Variants in ADARB1 observed in about 807,000 individuals in gnomAD.
The protein encoded by ADARB1 is adenosine deaminase RNA specific B1, also known as double-stranded RNA-specific editase 1.
A neutral mutation model predicts 52.4 loss-of-function variants in ADARB1; 10 were observed. The observed-to-expected ratio is 0.19, with a 90% CI of 0.12 to 0.32. The LOEUF (loss-of-function observed/expected upper bound fraction) is 0.32. Ranked by LOEUF, ADARB1 falls within the 10% of genes least tolerant of loss-of-function variation. The pLI is 1.00. For synonymous variants in ADARB1, 349 were observed against 371.1 expected (o/e 0.94, Z 0.68); for missense variants, 643 against 922.3 (o/e 0.70, Z 3.92).
intron 1 of ADARB1, chr21:45,120,959 G>A (rs1247032629): frequency 6.6e-6 from 1 of 152,090 alleles, no homozygotes. Context: ...GTGTATTCTT[G>A]GTATGTGTGT....
chr21:45,076,123 A>G (rs897240430), intron 1 of ADARB1, among the ~76,000 whole-genome samples: 4 of 152,226 alleles, frequency 2.6e-5, no homozygotes, highest in African/African-American at 2.4e-5. Context: ...TTTGATGACC[A>G]TCTTTTCCTT....
At position 45,222,460 on chromosome 21, in the gene ADARB1, C is replaced by T. The variant is rs568817284; in HGVS notation, c.*263C>T. Reference sequence around the variant, plus strand: ...CGCAGCATTTCCCCTTCTGAACCGTCCAGTGACTGCTTTCAATCTCGGTTT... The same window carrying T: ...CGCAGCATTTCCCCTTCTGAACCGTTCAGTGACTGCTTTCAATCTCGGTTT... On this transcript the variant is annotated 3_prime_UTR_variant, in exon 11 of 11. Transcript: ENST00000348831. 8.6e-5 allele frequency: 106 copies of T among 1,232,576 alleles called. 1 individual carries two copies. The South Asian group carries it at 3.6e-3, about 42-fold the overall frequency. 76.4% of individuals were successfully genotyped at this position (1,232,576 alleles called of 1,614,324 possible).
Position 45,223,158 on chromosome 21 carries a change from C to G in ADARB1, c.*961C>G. The G allele has an allele frequency of 1.0e-6, 1 of 985,460 alleles. No homozygotes were observed. Among genetic ancestry groups the G allele is most frequent in the Non-Finnish European group, 1.2e-6 (1 of 829,960 alleles). 61.0% of individuals were successfully genotyped at this position (985,460 alleles called of 1,614,324 possible). A position where few individuals can be genotyped will look rare whatever the true frequency, so the allele number is the denominator to read the frequency against. ...AATCGAATGGATGTGGGTGACCGCC[C>G]GAAGGCCTTCACAGGATGGAAGTAG... On this transcript the variant is annotated 3_prime_UTR_variant, in exon 11 of 11. Transcript: ENST00000348831.
At chr21:45,184,266 AC>A (rs2146215683) in intron 7 of ADARB1, among the ~76,000 whole-genome samples, 1 of 152,280 alleles carries the variant, frequency 6.6e-6, no homozygotes, top group South Asian at 2.1e-4. Context: ...CATGGCAAAC[AC>A]CCAAGTATCC....
rs2092981689 is a variant in ADARB1 at position 45,222,372 on chromosome 21, G to A, written c.*175G>A. On this transcript the variant is annotated 3_prime_UTR_variant, in exon 11 of 11. Coordinates refer to ENST00000348831, the MANE Select transcript of ADARB1 (RefSeq NM_001112.4). The stretch of plus-strand genomic sequence containing the variant: ...ATCTCACATCAGACCTGGGGCAGGT[G>A]CGCAGTGTGGGGAGGGGATGGGGTG... 7.3e-7 allele frequency: 1 copy of A among 1,362,810 alleles called. No individual in the cohort carries two copies. The highest frequency in any genetic ancestry group is 1.9e-5 in the South Asian group (1 of 51,538). The allele number at this position is 1,362,810 out of a possible 1,614,324, so 84.4% of individuals were successfully genotyped here.
chr21:45,100,201 T>C (rs1040788720), intron 1 of ADARB1, among the ~76,000 whole-genome samples: 35 of 152,246 alleles, frequency 2.3e-4, no homozygotes, highest in African/African-American at 8.2e-4. Context: ...AGATTATGTA[T>C]GTCTGCTCTT....
At chr21:45,101,928 C>T (rs1369697542) in intron 1 of ADARB1, among the ~76,000 whole-genome samples, 1 of 152,224 alleles carries the variant, frequency 6.6e-6, no homozygotes, top group African/African-American at 2.4e-5. Context: ...CACTCTGTTA[C>T]TCAGGCTGGA....
At chr21:45,122,657 ATC>A (rs2088270874) in intron 1 of ADARB1, among the ~76,000 whole-genome samples, 1 of 152,106 alleles carries the variant, frequency 6.6e-6, no homozygotes, top group African/African-American at 2.4e-5. Flanking sequence ...AGAGCTGCCT[ATC>A]CCACAGTACT....
At chr21:45,094,305 T>C (rs2086670831) in intron 1 of ADARB1, among the ~76,000 whole-genome samples, 1 of 152,232 alleles carries the variant, frequency 6.6e-6, no homozygotes, top group Non-Finnish European at 1.5e-5. Context: ...TCCGTGTCTT[T>C]ATCAAGCAGT....
intron 2 of ADARB1, among the ~76,000 whole-genome samples, chr21:45,162,309 A>G (rs370935358): frequency 1.0e-3 from 153 of 152,274 alleles, no homozygotes; most frequent in African/African-American, 3.6e-3. Flanking sequence ...GCAGGGAGCC[A>G]GTGTCCATGC....
Position 45,223,563 on chromosome 21 carries a change from C to T in ADARB1, c.*1366C>T. On this transcript the variant is annotated 3_prime_UTR_variant, in exon 11 of 11. Transcript: ENST00000348831. ...CAGTGCAGTGCCCAGCTCCAAGGCTCTAGAGGGTGTTCAGGTGGGTCTCCT... is the reference window on the plus strand; with the variant it reads ...CAGTGCAGTGCCCAGCTCCAAGGCTTTAGAGGGTGTTCAGGTGGGTCTCCT... The T allele has an allele frequency of 1.0e-6, 1 of 985,754 alleles. No homozygotes were observed. 61.1% of individuals were successfully genotyped at this position (985,754 alleles called of 1,614,324 possible). A position where few individuals can be genotyped will look rare whatever the true frequency, so the allele number is the denominator to read the frequency against.
intron 2 of ADARB1, among the ~76,000 whole-genome samples, chr21:45,153,429 C>G (rs2090402255): frequency 6.6e-6 from 1 of 151,996 alleles, no homozygotes. Flanking sequence ...CAGCTGAACA[C>G]AGGCGTGATC....
At position 45,172,324 on chromosome 21, in the gene ADARB1, C is replaced by T. The variant is rs1036704376; in HGVS notation, c.28+640C>T. On this transcript the variant is annotated intron_variant, in intron 3 of 10. Coordinates refer to ENST00000348831, the MANE Select transcript of ADARB1 (RefSeq NM_001112.4). The surrounding 1 kb of genome is among the most constrained non-coding windows in gnomAD (Gnocchi z 4.4). ...CAGAAAACAGGTTTAGATGCTTCCA[C>T]GGAAGTTGGGAGAGTTTAGTAGAGA... is the stretch of plus-strand genomic sequence containing the variant. Among the ~76,000 whole-genome samples, 3 of 152,054 alleles carry T rather than the reference C, an allele frequency of 2.0e-5. No homozygotes were observed. The highest frequency in any genetic ancestry group is 4.4e-5 in the Non-Finnish European group (3 of 68,014).
chr21:45,106,671 A>G (rs145770821), intron 1 of ADARB1, among the ~76,000 whole-genome samples: 1 of 152,354 alleles, frequency 6.6e-6, no homozygotes, highest in Non-Finnish European at 1.5e-5. Flanking sequence ...AGTGGGAGGT[A>G]CACAAATTTA....
intron 3 of ADARB1, 115 bp from the exon 4 acceptor site, chr21:45,175,615 T>G: frequency 9.4e-7 from 1 of 1,065,176 alleles, no homozygotes; most frequent in Non-Finnish European, 1.4e-6. Flanking sequence ...GGAATAAAAT[T>G]TATAAGCACA....
intron 4 of ADARB1, 58 bp from the exon 5 acceptor site, chr21:45,180,272 G>A (rs966158665): frequency 6.3e-6 from 8 of 1,272,170 alleles, no homozygotes; most frequent in African/African-American, 1.5e-5. Flanking sequence ...CATTGAGAGA[G>A]TGAGCCCTGC....
At chr21:45,216,641 A>G (rs2092867954) in intron 9 of ADARB1, among the ~76,000 whole-genome samples, 1 of 152,090 alleles carries the variant, frequency 6.6e-6, no homozygotes, top group Non-Finnish European at 1.5e-5. Context: ...ATCTATCTTT[A>G]TAAGTGTTCC....
chr21:45,200,684 C>T lies in ADARB1; in HGVS notation c.1566-3871C>T, dbSNP rs2092534906. On this transcript the variant is annotated intron_variant, in intron 8 of 10. Coordinates refer to ENST00000348831, the MANE Select transcript of ADARB1 (RefSeq NM_001112.4). This position sits in a 1 kb window ranked among gnomAD's most constrained non-coding sequence, Gnocchi z 5.0. ...CTCCCGTGCAGCTGCTTGAAGAACCCAGGGGCATCTCTGGCTGGTCCTGGG... is the reference window on the plus strand; with the variant it reads ...CTCCCGTGCAGCTGCTTGAAGAACCTAGGGGCATCTCTGGCTGGTCCTGGG... Among the ~76,000 whole-genome samples, 1 of 152,126 alleles carries T rather than the reference C, an allele frequency of 6.6e-6. No homozygotes were observed. The highest frequency in any genetic ancestry group is 6.5e-5 in the Admixed American group (1 of 15,282).
In ADARB1 at chr21:45,220,351, C is replaced by T. The variant is rs1037980261; in HGVS notation, c.1748-485C>T. 5.3e-5 allele frequency among the ~76,000 whole-genome samples: 8 copies of T among 152,176 alleles called. No homozygotes were observed. Among genetic ancestry groups the T allele is most frequent in the Non-Finnish European group, 4.4e-5 (3 of 68,028 alleles). On this transcript the variant is annotated intron_variant, in intron 9 of 10. Coordinates refer to ENST00000348831, the MANE Select transcript of ADARB1 (RefSeq NM_001112.4). This position sits in a 1 kb window ranked among gnomAD's most constrained non-coding sequence, Gnocchi z 6.3. The stretch of plus-strand genomic sequence containing the variant: ...GCCACGTGACCTGAACATGCCTGGC[C>T]TCTCAGTGGCAGGGGAGCACATGCA...
Sources: gnomAD v4.1 joint callset for allele counts (sites outside exome capture counted in the v4.1 genomes callset) on GRCh38, gnomAD v4.1.1 for gene constraint, Gnocchi (gnomAD v3.1) non-coding constraint, MANE v1.5 for transcripts, NCBI Gene and HGNC (gene_info 2026-07-23, HGNC 2026-07-21) for gene names.